PDE4B: variants seen among roughly 807,000 people sequenced by gnomAD.
PDE4B encodes phosphodiesterase 4B.
A neutral mutation model predicts 82.2 loss-of-function variants in PDE4B; 20 were observed. That is an observed-to-expected ratio of 0.24 (90% CI 0.17 to 0.35). The LOEUF is 0.35. PDE4B is among the 10% of genes least tolerant of loss of function. The pLI, the probability that PDE4B is intolerant of heterozygous loss-of-function variation, is 1.00. For missense variants in PDE4B, 655 were observed against 907.2 expected, an observed-to-expected ratio of 0.72 and a Z score of 3.57; for synonymous variants, 320 against 318.9, an observed-to-expected ratio of 1.00 and a Z score of -0.04.
rs561859443 is a variant in PDE4B, at chr1:65,838,830, G to A, written c.-71+45582G>A. Among the ~76,000 whole-genome samples the A allele has an allele frequency of 9.1e-4, 138 of 151,984 alleles. 1 individual carries two copies. The highest frequency in any genetic ancestry group is 3.3e-3 in the African/African-American group (135 of 41,478). On this transcript the variant is annotated intron_variant, in intron 1 of 16. Transcript: ENST00000341517. The stretch of plus-strand genomic sequence containing the variant: ...TCTGTTTTTCTTGGTGTTTGGAAAA[G>A]CTTCACTAATGTTAATTATTCTTAC...
chr1:65,832,585 A>G (rs1005397703), intron 1 of PDE4B, among the ~76,000 whole-genome samples: 1 of 152,218 alleles, frequency 6.6e-6, no homozygotes, highest in Admixed American at 6.5e-5. Flanking sequence ...AGGCCCAGGA[A>G]TGCTAGTGGT....
chr1:66,266,229 A>G, intron 7 of PDE4B, 142 bp downstream of exon 7: 4 of 702,142 alleles, frequency 5.7e-6, no homozygotes, highest in South Asian at 1.6e-5. Context: ...CTTTTTTCTA[A>G]GGTACACTGG....
chr1:65,904,478 C>T (rs1262491600), intron 1 of PDE4B, among the ~76,000 whole-genome samples: 1 of 152,152 alleles, frequency 6.6e-6, no homozygotes, highest in Non-Finnish European at 1.5e-5. Flanking sequence ...TATGAGATTA[C>T]ATGAAAGAGT....
chr1:66,073,727 G>A (rs1656277960), intron 3 of PDE4B, among the ~76,000 whole-genome samples: 1 of 152,142 alleles, frequency 6.6e-6, no homozygotes, highest in African/African-American at 2.4e-5. Context: ...TAGAAATGTA[G>A]TTTTTGGAAC....
At chr1:65,871,992 G>GT (rs886187626) in intron 1 of PDE4B, among the ~76,000 whole-genome samples, 2 of 151,966 alleles carry the variant, frequency 1.3e-5, no homozygotes, top group Admixed American at 6.6e-5. Flanking sequence ...ATGTGAATGT[G>GT]TTTTTTTAAA....
At chr1:65,856,013 C>T (rs1376805847) in intron 1 of PDE4B, among the ~76,000 whole-genome samples, 6 of 151,956 alleles carry the variant, frequency 3.9e-5, no homozygotes, top group Non-Finnish European at 8.8e-5. Flanking sequence ...CTCATTGTTT[C>T]ATAACTAGAT....
intron 3 of PDE4B, among the ~76,000 whole-genome samples, chr1:66,033,479 T>G (rs966792314): frequency 3.3e-5 from 5 of 152,178 alleles, no homozygotes; most frequent in African/African-American, 7.2e-5. Context: ...ACGGTGGCGC[T>G]TTATTCACTA....
At chr1:66,289,523 T>C (rs1022785211) in intron 7 of PDE4B, among the ~76,000 whole-genome samples, 2 of 151,950 alleles carry the variant, frequency 1.3e-5, no homozygotes, top group African/African-American at 4.8e-5. Context: ...GAGAAAGGTA[T>C]ATTTGAGAAA....
chr1:66,326,102 G>A (rs763246232), intron 7 of PDE4B, among the ~76,000 whole-genome samples: 1 of 152,156 alleles, frequency 6.6e-6, no homozygotes, highest in East Asian at 1.9e-4. Context: ...AGCTATGTGA[G>A]ATTTACTCAA....
At chr1:66,122,539 T>A (rs1336175074) in intron 3 of PDE4B, among the ~76,000 whole-genome samples, 1 of 152,110 alleles carries the variant, frequency 6.6e-6, no homozygotes. Context: ...ATTAAGTGGG[T>A]TAATTTTATA....
rs983912975 is a variant in PDE4B at position 66,219,126 on chromosome 1, C to A, written c.282-28334C>A. On this transcript the variant is annotated intron_variant, in intron 3 of 16. Coordinates refer to ENST00000341517, the MANE Select transcript of PDE4B (RefSeq NM_002600.4). ...TAATGGAGAGCTTAGCCATGTATGG[C>A]TTCTCAAATACAGGCTCAATAAAGA... is the stretch of plus-strand genomic sequence containing the variant. Among the ~76,000 whole-genome samples the A allele has an allele frequency of 2.6e-5, 4 of 152,118 alleles. No homozygotes were observed. In the East Asian group the frequency reaches 5.8e-4, roughly 22 times the overall value.
Position 65,858,424 on chromosome 1 carries a change from T to C in PDE4B, c.-70-54821T>C, listed in dbSNP as rs12133397. Among the ~76,000 whole-genome samples the C allele has an allele frequency of 7.8e-3, 1,192 of 152,282 alleles. 10 individuals are homozygous for C. Among genetic ancestry groups the C allele is most frequent in the Non-Finnish European group, 0.013 (873 of 68,028 alleles). The stretch of plus-strand genomic sequence containing the variant: ...TTTTACACAAGAAAATGTATCGAAG[T>C]TTTAAACAGCCGTGATGGCTATTTG... On this transcript the variant is annotated intron_variant, in intron 1 of 16. Coordinates refer to ENST00000341517, the MANE Select transcript of PDE4B (RefSeq NM_002600.4).
At chr1:66,132,729 C>T (rs1645975704) in intron 3 of PDE4B, among the ~76,000 whole-genome samples, 1 of 152,026 alleles carries the variant, frequency 6.6e-6, no homozygotes. Context: ...TACCTCAGAC[C>T]TACTGTTTTT....
At chr1:66,032,553 A>G (rs1645685633) in intron 3 of PDE4B, among the ~76,000 whole-genome samples, 1 of 152,224 alleles carries the variant, frequency 6.6e-6, no homozygotes, top group African/African-American at 2.4e-5. Context: ...CACAAGTGCA[A>G]GATGGCAAAT....
At chr1:66,301,957 C>T (rs1018916002) in intron 7 of PDE4B, among the ~76,000 whole-genome samples, 4 of 152,174 alleles carry the variant, frequency 2.6e-5, no homozygotes, top group Non-Finnish European at 5.9e-5. Context: ...GCTCAGCCAA[C>T]TTATTGACTT....
chr1:66,001,634 G>A (rs1176442023), intron 3 of PDE4B, among the ~76,000 whole-genome samples: 1 of 152,008 alleles, frequency 6.6e-6, no homozygotes, highest in Admixed American at 6.6e-5. Flanking sequence ...TGGTTTTCTG[G>A]GTAAACATAT....
intron 8 of PDE4B, chr1:66,355,286 T>C (rs1034421639): frequency 5.0e-6 from 2 of 403,946 alleles, no homozygotes; most frequent in African/African-American, 2.1e-5. Context: ...CCTTTTCCTA[T>C]GTTTGCATCT....
At chr1:66,164,110 C>T (rs896808242) in intron 3 of PDE4B, among the ~76,000 whole-genome samples, 6 of 152,170 alleles carry the variant, frequency 3.9e-5, no homozygotes, top group Non-Finnish European at 5.9e-5. Flanking sequence ...ACTCCATCAA[C>T]AAGACATGCT....
intron 3 of PDE4B, among the ~76,000 whole-genome samples, chr1:66,214,169 T>TTGAAATGTC (rs1449409999): frequency 6.6e-6 from 1 of 152,210 alleles, no homozygotes; most frequent in African/African-American, 2.4e-5. Context: ...ATCTTGGTTC[T>TTGAAATGTC]TGAAATGTCT....
Sources: allele counts gnomAD v4.1 joint callset (sites outside exome capture counted in the v4.1 genomes callset), GRCh38; gene constraint gnomAD v4.1.1; transcripts MANE v1.5; gene names NCBI Gene and HGNC (gene_info 2026-07-23, HGNC 2026-07-21).